Variants in CNTNAP4 observed in about 807,000 individuals in gnomAD.
CNTNAP4 encodes the protein contactin associated protein family member 4, also known as contactin-associated protein-like 4.
CNTNAP4 carries 98 observed loss-of-function variants against 148.4 expected under a neutral mutation model. The observed-to-expected ratio is 0.66, with a 90% CI of 0.56 to 0.78. The LOEUF is 0.78. Ranked by LOEUF, CNTNAP4 falls within the 30% of genes least tolerant of loss-of-function variation. The pLI is 0.00. For synonymous variants in CNTNAP4, 730 were observed against 565.1 expected (o/e 1.29, Z -4.14); for missense variants, 1,935 against 1,565.6 (o/e 1.24, Z -3.98).
chr16:76,535,650 T>C lies in CNTNAP4; in HGVS notation c.2861T>C (p.Val954Ala). The change falls in exon 18 of 24, where the codon GTG becomes GCG. Residue 954 changes from valine (V) to alanine (A), a missense_variant. Transcript: ENST00000611870. ...GAAAGAGCCCAGGTGACTCCAGAAG[T>C]GCAGCCAGGTTGTAGGGGACATTGC... is the stretch of plus-strand genomic sequence containing the variant. ...LEERAQVTPEVQPGCRGHCSS... is the reference protein window; with the variant it reads ...LEERAQVTPEAQPGCRGHCSS... 6.2e-7 allele frequency: 1 copy of C among 1,614,032 alleles called. No homozygotes were observed. The highest frequency in any genetic ancestry group is 8.5e-7 in the Non-Finnish European group (1 of 1,180,006).
At chr16:76,326,992 T>G (rs1963056639) in intron 2 of CNTNAP4, among the ~76,000 whole-genome samples, 2 of 151,972 alleles carry the variant, frequency 1.3e-5, no homozygotes, top group Admixed American at 1.3e-4. Context: ...CCAAAAAAGC[T>G]CATTCACCCA....
intron 1 of CNTNAP4, among the ~76,000 whole-genome samples, chr16:76,302,685 A>C (rs551369023): frequency 3.9e-5 from 6 of 152,306 alleles, no homozygotes; most frequent in Admixed American, 3.3e-4. Flanking sequence ...GCTATATAAC[A>C]TAACATAAGC....
intron 3 of CNTNAP4, among the ~76,000 whole-genome samples, chr16:76,359,879 T>C (rs1046323678): frequency 6.6e-6 from 1 of 152,210 alleles, no homozygotes; most frequent in African/African-American, 2.4e-5. Flanking sequence ...TGCTGAGATA[T>C]CGTGAAATCA....
At chr16:76,326,139 C>T (rs560550249) in intron 2 of CNTNAP4, among the ~76,000 whole-genome samples, 1 of 152,140 alleles carries the variant, frequency 6.6e-6, no homozygotes, top group African/African-American at 2.4e-5. Flanking sequence ...GCCAGCATAA[C>T]CTTGATACCA....
chr16:76,322,944 C>T (rs367661652), intron 2 of CNTNAP4, among the ~76,000 whole-genome samples: 4 of 151,960 alleles, frequency 2.6e-5, no homozygotes, highest in East Asian at 1.9e-4. Flanking sequence ...AAGCGAGTCT[C>T]GTGCCTTGGT....
chr16:76,391,896 A>C (rs2017031597), intron 3 of CNTNAP4, among the ~76,000 whole-genome samples: 1 of 152,208 alleles, frequency 6.6e-6, no homozygotes, highest in South Asian at 2.1e-4. Flanking sequence ...CCAAGTTTGA[A>C]TTGCTCTGTT....
chr16:76,471,693 A>T (rs929029412), intron 10 of CNTNAP4, among the ~76,000 whole-genome samples: 1 of 151,844 alleles, frequency 6.6e-6, no homozygotes, highest in Admixed American at 6.6e-5. Flanking sequence ...TGTTCCTTAT[A>T]CTCACACACA....
chr16:76,460,951 CTCAA>C (rs1286256272), intron 8 of CNTNAP4, among the ~76,000 whole-genome samples: 2 of 151,206 alleles, frequency 1.3e-5, no homozygotes, highest in East Asian at 3.9e-4. Context: ...ACAACATTTT[CTCAA>C]TCAGTCAATA....
intron 17 of CNTNAP4, among the ~76,000 whole-genome samples, chr16:76,525,030 C>T (rs371991332): frequency 1.2e-4 from 19 of 152,026 alleles, no homozygotes; most frequent in East Asian, 3.9e-4. Context: ...CAAAACACCA[C>T]ATGAGGGGCT....
intron 12 of CNTNAP4, among the ~76,000 whole-genome samples, chr16:76,485,581 C>CCTT (rs1242770745): frequency 6.6e-6 from 1 of 152,102 alleles, no homozygotes; most frequent in Non-Finnish European, 1.5e-5. Context: ...TAAACTCACC[C>CCTT]CTTCTCATGG....
At chr16:76,433,758 A>G (rs1015348774) in intron 4 of CNTNAP4, among the ~76,000 whole-genome samples, 2 of 152,126 alleles carry the variant, frequency 1.3e-5, no homozygotes, top group Non-Finnish European at 2.9e-5. Flanking sequence ...TTCAATACCT[A>G]TTTATTGAGC....
At chr16:76,534,495 T>A (rs1452679498) in intron 17 of CNTNAP4, among the ~76,000 whole-genome samples, 2 of 152,206 alleles carry the variant, frequency 1.3e-5, no homozygotes, top group Non-Finnish European at 2.9e-5. Flanking sequence ...ATTGCCAGGT[T>A]ATTTAGGTTA....
At chr16:76,368,936 G>T (rs1379082257) in intron 3 of CNTNAP4, among the ~76,000 whole-genome samples, 2 of 152,070 alleles carry the variant, frequency 1.3e-5, no homozygotes, top group African/African-American at 2.4e-5. Context: ...AGACAGAACA[G>T]TTATGGAACA....
At position 76,345,755 on chromosome 16, in the gene CNTNAP4, G is replaced by C. The variant is rs139171451; in HGVS notation, c.197-9563G>C. Among the ~76,000 whole-genome samples the C allele has an allele frequency of 5.3e-3, 814 of 152,276 alleles. 6 individuals carry two copies. Among genetic ancestry groups the C allele is most frequent in the African/African-American group, 0.019 (771 of 41,568 alleles). ...CCCTGGATTGTAAAACTGGCAAGAG[G>C]CTGGATGAAGATTTACACCTCAAGG... On this transcript the variant is annotated intron_variant, in intron 2 of 23. Coordinates refer to ENST00000611870, the MANE Select transcript of CNTNAP4 (RefSeq NM_033401.5).
In CNTNAP4 at chr16:76,560,196, T is replaced by C. The variant is rs1436887123; in HGVS notation, c.*1513T>C. On this transcript the variant is annotated 3_prime_UTR_variant, in exon 24 of 24. Transcript: ENST00000611870. ...CTTCAAGTGCCTCCCAAGTAACTAT[T>C]GGATTTCTTAGTTTGTCTACACCAG... Among the ~76,000 whole-genome samples the C allele has an allele frequency of 1.3e-5, 2 of 152,174 alleles. No homozygotes were observed. The highest frequency in any genetic ancestry group is 2.9e-5 in the Non-Finnish European group (2 of 68,022).
At chr16:76,315,785 G>A (rs1480058235) in intron 1 of CNTNAP4, among the ~76,000 whole-genome samples, 1 of 151,930 alleles carries the variant, frequency 6.6e-6, no homozygotes, top group Non-Finnish European at 1.5e-5. Flanking sequence ...GGTAGAGATG[G>A]GGTTTCACCA....
chr16:76,452,885 G>T, intron 8 of CNTNAP4, 116 bp downstream of exon 8: 1 of 958,956 alleles, frequency 1.0e-6, no homozygotes. Flanking sequence ...TGAATACTCA[G>T]GTTAATAAGA....
chr16:76,467,517 C>T lies in CNTNAP4; in HGVS notation c.1649C>T (p.Ser550Leu). 1.9e-6 allele frequency: 3 copies of T among 1,608,988 alleles called. No individual in the cohort carries two copies. In the South Asian group the frequency reaches 3.3e-5, roughly 18 times the overall value. ...SDLQIDSCGI[S>L]DRCLPNYCEH... ...CTTCAGATAGACTCATGTGGCATCT[C>T]AGACAGGTAAGGGCAATCTCACTTC... The change falls in exon 10 of 24, where the codon TCA (serine) becomes TTA (leucine). Residue 550 changes from serine to leucine, a missense_variant. Transcript: ENST00000611870.
At chr16:76,339,924 C>G (rs757258828) in intron 2 of CNTNAP4, among the ~76,000 whole-genome samples, 1 of 152,128 alleles carries the variant, frequency 6.6e-6, no homozygotes, top group African/African-American at 2.4e-5. Flanking sequence ...CAAGCTAAAT[C>G]ATGGGAAAGT....
Sources: gnomAD v4.1 joint callset for allele counts (sites outside exome capture counted in the v4.1 genomes callset) on GRCh38, gnomAD v4.1.1 for gene constraint, MANE v1.5 for transcripts, NCBI Gene and HGNC (gene_info 2026-07-23, HGNC 2026-07-21) for gene names.